STAT4: variants seen among roughly 807,000 people sequenced by gnomAD.
STAT4 encodes the protein signal transducer and activator of transcription 4.
In STAT4, 42 loss-of-function variants were observed where a neutral mutation model predicts 110.5. That is an observed-to-expected ratio of 0.38 (90% CI 0.30 to 0.49). The LOEUF is 0.49. Among genes scored for constraint, STAT4 ranks in the 20% least tolerant of loss-of-function variants. The pLI is 0.95. For missense variants in STAT4, 632 were observed against 887.9 expected, an observed-to-expected ratio of 0.71 and a Z score of 3.66; for synonymous variants, 284 against 302.2, an observed-to-expected ratio of 0.94 and a Z score of 0.63.
Position 191,062,916 on chromosome 2 carries a change from T to G in STAT4, c.787A>C (p.Thr263Pro). ...TGGAAAAGACTTTCTGCCAATAGTG[T>G]AAAGCTATTGAACAGAAAATGAAAA... is the stretch of plus-strand genomic sequence containing the variant. ...NGLDQLQNCF[T>P]LLAESLFQLR... Residue 263 changes from threonine to proline, a missense_variant, in exon 9 of 24, where the codon ACA (threonine) becomes CCA (proline). Physicochemically the swap from Thr to Pro is conservative, Grantham distance 38. Coordinates refer to ENST00000392320, the MANE Select transcript of STAT4 (RefSeq NM_003151.4). The surrounding 1 kb of genome is among the most constrained non-coding windows in gnomAD (Gnocchi z 4.9). The G allele has an allele frequency of 6.2e-7, 1 of 1,612,592 alleles. No homozygotes were observed. The highest frequency in any genetic ancestry group is 1.1e-5 in the South Asian group (1 of 90,866).
Position 191,054,550 on chromosome 2 carries a change from C to T in STAT4, c.1207-16G>A, listed in dbSNP as rs547871203. The T allele has an allele frequency of 5.6e-6, 9 of 1,610,426 alleles. No individual in the cohort carries two copies. Among genetic ancestry groups the T allele is most frequent in the African/African-American group, 1.3e-5 (1 of 74,728 alleles). ...CCTTTGGTTGCTTTGTAAAAGAAAA[C>T]AACAATATTTAGATGGAAAAGCATT... On this transcript the variant is annotated splice_polypyrimidine_tract_variant and intron_variant, in intron 13 of 23. Transcript: ENST00000392320.
chr2:191,151,032 A>C, upstream of STAT4: 6 of 985,530 alleles, frequency 6.1e-6, no homozygotes, highest in Non-Finnish European at 7.2e-6. This position sits in a 1 kb window ranked among gnomAD's most constrained non-coding sequence, Gnocchi z 4.7. Context: ...AAAGCCGCTG[A>C]CGCCATCATC....
intron 3 of STAT4, among the ~76,000 whole-genome samples, chr2:191,124,238 C>T (rs1453874735): frequency 2.0e-5 from 3 of 152,016 alleles, no homozygotes; most frequent in African/African-American, 7.2e-5. Context: ...TGGCGGATTG[C>T]GAGGTCAAGA....
At chr2:191,096,072 G>A (rs1054577203) in intron 3 of STAT4, among the ~76,000 whole-genome samples, 1 of 152,160 alleles carries the variant, frequency 6.6e-6, no homozygotes, top group Non-Finnish European at 1.5e-5. Context: ...AAACCAGGAA[G>A]AAGTTGAATC....
At position 191,146,881 on chromosome 2, in the gene STAT4, A is replaced by T. The variant is rs568953688; in HGVS notation, c.129-124T>A. ...GATAAGCATTTAAAAGTTTTAAAAA[A>T]TTAAATTGTTAACATGAAGAGATGC... is the stretch of plus-strand genomic sequence containing the variant. On this transcript the variant is annotated intron_variant, in intron 2 of 23. Coordinates refer to ENST00000392320, the MANE Select transcript of STAT4 (RefSeq NM_003151.4). This position sits in a 1 kb window ranked among gnomAD's most constrained non-coding sequence, Gnocchi z 4.5. The T allele has an allele frequency of 1.1e-6, 1 of 941,402 alleles. No individual in the cohort carries two copies. The highest frequency in any genetic ancestry group is 1.7e-5 in the African/African-American group (1 of 58,340). The allele number at this position is 941,402 out of a possible 1,614,324, so 58.3% of individuals were successfully genotyped here. A position where few individuals can be genotyped will look rare whatever the true frequency, so the allele number is the denominator to read the frequency against.
rs369471686 is a variant in STAT4, at chr2:191,121,665, G to T, written c.273+24948C>A. On this transcript the variant is annotated intron_variant, in intron 3 of 23. Coordinates refer to ENST00000392320, the MANE Select transcript of STAT4 (RefSeq NM_003151.4). ...AAACCATCATTCTCAGCAAATTATC[G>T]CAAGGACAAAAAACCAAACACCGCA... Among the ~76,000 whole-genome samples the T allele has an allele frequency of 1.2e-3, 184 of 151,560 alleles. 3 individuals are homozygous for T. The East Asian group carries it at 0.031, about 26-fold the overall frequency.
intron 3 of STAT4, among the ~76,000 whole-genome samples, chr2:191,092,195 G>C: frequency 6.6e-6 from 1 of 151,986 alleles, no homozygotes; most frequent in East Asian, 1.9e-4. Flanking sequence ...CACGAGGTTG[G>C]GAGTTAGAGA....
Position 191,076,294 on chromosome 2 carries a change from G to T in STAT4, c.305C>A (p.Ala102Asp). 1 of 1,608,864 alleles carries T rather than the reference G, an allele frequency of 6.2e-7. No individual in the cohort carries two copies. Among genetic ancestry groups the T allele is most frequent in the Non-Finnish European group, 8.5e-7 (1 of 1,178,200 alleles). Residue 102 changes from alanine to aspartate, a missense_variant, in exon 4 of 24, where the codon GCT becomes GAT. This residue lies in a region of STAT4 where 488 missense variants were observed against 632.8 expected (regional missense o/e 0.77). Transcript: ENST00000392320. Reference sequence around the variant, plus strand: ...CCTTAAACAGTTTGAAATAACCACAGCTACATGCATTGGATTTCCATGAAA... The same window carrying T: ...CCTTAAACAGTTTGAAATAACCACATCTACATGCATTGGATTTCCATGAAA... ...GKFHGNPMHVAVVISNCLREE... is the reference protein window; with the variant it reads ...GKFHGNPMHVDVVISNCLREE...
rs1696808256 is a variant in STAT4 at position 191,060,113 on chromosome 2, C to G, written c.1035-1344G>C. Among the ~76,000 whole-genome samples the G allele has an allele frequency of 6.6e-6, 1 of 152,158 alleles. No individual in the cohort carries two copies. The highest frequency in any genetic ancestry group is 6.5e-5 in the Admixed American group (1 of 15,278). ...GTACCCAATAGGTAGAAGAGGAAGA[C>G]AGAGCCTTCAACCAGGGGCTAATGT... On this transcript the variant is annotated intron_variant, in intron 10 of 23. Transcript: ENST00000392320. This position sits in a 1 kb window ranked among gnomAD's most constrained non-coding sequence, Gnocchi z 4.5.
intron 4 of STAT4, among the ~76,000 whole-genome samples, chr2:191,075,534 G>A (rs16833239): frequency 0.081 from 12,282 of 152,236 alleles, 540 homozygotes; most frequent in East Asian, 0.1. Flanking sequence ...AGAACATACA[G>A]GAAGAGGCAG....
intron 3 of STAT4, among the ~76,000 whole-genome samples, chr2:191,118,198 A>G (rs1698622223): frequency 6.6e-6 from 1 of 152,202 alleles, no homozygotes; most frequent in Non-Finnish European, 1.5e-5. Flanking sequence ...ACCCTTTGAC[A>G]TAGCAATTTC....
Position 191,031,628 on chromosome 2 carries a change from C to T in STAT4, c.2045-112G>A, listed in dbSNP as rs3024898. The stretch of plus-strand genomic sequence containing the variant: ...ACAATGATAAGAGGAAGAGAGATAA[C>T]GCAGTTGTTCGGTGATACACAGAAA... On this transcript the variant is annotated intron_variant, in intron 21 of 23. Coordinates refer to ENST00000392320, the MANE Select transcript of STAT4 (RefSeq NM_003151.4). This position sits in a 1 kb window ranked among gnomAD's most constrained non-coding sequence, Gnocchi z 4.8. 0.037 allele frequency: 30,721 copies of T among 821,254 alleles called. 1,207 individuals carry two copies. Among genetic ancestry groups the T allele is most frequent in the Admixed American group, 0.16 (6,169 of 38,672 alleles). The allele number at this position is 821,254 out of a possible 1,614,324, so 50.9% of individuals were successfully genotyped here.
At position 191,039,872 on chromosome 2, in the gene STAT4, G is replaced by A. The variant is rs1352254954; in HGVS notation, c.1336-575C>T. 6.6e-6 allele frequency among the ~76,000 whole-genome samples: 1 copy of A among 152,156 alleles called. No homozygotes were observed. Among genetic ancestry groups the A allele is most frequent in the Non-Finnish European group, 1.5e-5 (1 of 68,018 alleles). The stretch of plus-strand genomic sequence containing the variant: ...GTTTTCTACTTTATGAGATAAACAG[G>A]CTTTTACAAATTAGCTTGGGAAACT... On this transcript the variant is annotated intron_variant, in intron 15 of 23. Coordinates refer to ENST00000392320, the MANE Select transcript of STAT4 (RefSeq NM_003151.4). This position sits in a 1 kb window ranked among gnomAD's most constrained non-coding sequence, Gnocchi z 4.7.
In STAT4 at chr2:191,058,276, T is replaced by G; in HGVS notation, c.1095-57A>C. On this transcript the variant is annotated intron_variant, in intron 11 of 23. Coordinates refer to ENST00000392320, the MANE Select transcript of STAT4 (RefSeq NM_003151.4). This position sits in a 1 kb window ranked among gnomAD's most constrained non-coding sequence, Gnocchi z 4.3. The stretch of plus-strand genomic sequence containing the variant: ...CTATTTAATAGATCTAGGAATAACT[T>G]TCTATGATAGTTTATTTTATTTATT... The G allele has an allele frequency of 6.9e-7, 1 of 1,456,496 alleles. No individual in the cohort carries two copies. Among genetic ancestry groups the G allele is most frequent in the Non-Finnish European group, 9.4e-7 (1 of 1,059,110 alleles). The allele number at this position is 1,456,496 out of a possible 1,614,324, so 90.2% of individuals were successfully genotyped here. A position where few individuals can be genotyped will look rare whatever the true frequency, so the allele number is the denominator to read the frequency against.
intron 8 of STAT4, 92 bp downstream of exon 8, chr2:191,064,715 T>C: frequency 6.9e-7 from 1 of 1,448,426 alleles, no homozygotes; most frequent in Non-Finnish European, 9.3e-7. Context: ...TGAACTGATG[T>C]TGCAGTCTAA....
rs774816816 is a variant in STAT4 at position 191,031,492 on chromosome 2, T to G, written c.2069A>C (p.Asp690Ala). The G allele has an allele frequency of 6.2e-7, 1 of 1,613,460 alleles. No homozygotes were observed. The highest frequency in any genetic ancestry group is 8.5e-7 in the Non-Finnish European group (1 of 1,179,692). Residue 690 changes from aspartate to alanine, a missense_variant, in exon 22 of 24, where the codon GAC becomes GCC. By Grantham distance (126) the Asp-to-Ala change is moderately radical. This residue lies in a region of STAT4 where 38 missense variants were observed against 33.2 expected (regional missense o/e 1.15). Coordinates refer to ENST00000392320, the MANE Select transcript of STAT4 (RefSeq NM_003151.4). This position sits in a 1 kb window ranked among gnomAD's most constrained non-coding sequence, Gnocchi z 4.8. Reference protein sequence around the residue: ...CEVSRPTERGDKGYVPSVFIP... With the variant: ...CEVSRPTERGAKGYVPSVFIP... ...AAAAACAGAAGGAACATAACCTTTG[T>G]CACCCCTTTCTGTTGGTCTTGAAAC...
In STAT4 at chr2:191,050,847, T is replaced by C. The variant is rs1235758920; in HGVS notation, c.1251+3643A>G. 6.6e-6 allele frequency among the ~76,000 whole-genome samples: 1 copy of C among 152,222 alleles called. No individual in the cohort carries two copies. The highest frequency in any genetic ancestry group is 1.9e-4 in the East Asian group (1 of 5,198). ...TAAAGCCAGGAGCCCCTGTACGTCC[T>C]GACAGCTCAGCTCTTCTTGGGTAAT... On this transcript the variant is annotated intron_variant, in intron 14 of 23. Transcript: ENST00000392320. This position sits in a 1 kb window ranked among gnomAD's most constrained non-coding sequence, Gnocchi z 4.3.
rs369539864 is a variant in STAT4 at position 191,033,190 on chromosome 2, C to T, written c.1853-41G>A. The T allele has an allele frequency of 3.8e-6, 6 of 1,581,450 alleles. No homozygotes were observed. In the African/African-American group the frequency reaches 5.4e-5, roughly 14 times the overall value. On this transcript the variant is annotated intron_variant, in intron 20 of 23. Transcript: ENST00000392320. The surrounding 1 kb of genome is among the most constrained non-coding windows in gnomAD (Gnocchi z 6.9). ...TTGGAGAAATATACAGGTTCCTGTA[C>T]ACATTCCTTGTGACCATTTCTTCCC...
At chr2:191,145,905 C>A (rs1245491885) in intron 3 of STAT4, among the ~76,000 whole-genome samples, 1 of 152,086 alleles carries the variant, frequency 6.6e-6, no homozygotes, top group Admixed American at 6.6e-5. Flanking sequence ...TTCTTTAGAT[C>A]CCTGATTCAC....
Sources: gnomAD v4.1 joint callset for allele counts (sites outside exome capture counted in the v4.1 genomes callset) on GRCh38, gnomAD v4.1.1 for gene constraint, gnomAD v4.1.1 regional missense constraint, Gnocchi (gnomAD v3.1) non-coding constraint, MANE v1.5 for transcripts, NCBI Gene and HGNC (gene_info 2026-07-23, HGNC 2026-07-21) for gene names.